Variants in PCDH9 observed in about 807,000 individuals in gnomAD.
PCDH9 encodes protocadherin-9.
PCDH9 carries 24 observed loss-of-function variants against 70.6 expected under a neutral mutation model. The observed-to-expected ratio is 0.34, with a 90% CI of 0.25 to 0.48. PCDH9 has a LOEUF of 0.48. Among genes scored for constraint, PCDH9 ranks in the 20% least tolerant of loss-of-function variants. The pLI is 0.99. For missense variants in PCDH9, 1,281 were observed against 1,503.6 expected (o/e 0.85, Z 2.45); for synonymous variants, 562 against 558.5 (o/e 1.01, Z -0.09).
chr13:66,677,700 G>A (rs2078262871), intron 3 of PCDH9, among the ~76,000 whole-genome samples: 1 of 151,932 alleles, frequency 6.6e-6, no homozygotes, highest in Non-Finnish European at 1.5e-5. Flanking sequence ...CTCACCTTCT[G>A]CCATGATTAA....
At chr13:66,805,952 G>T (rs2080403013) in intron 3 of PCDH9, among the ~76,000 whole-genome samples, 1 of 151,516 alleles carries the variant, frequency 6.6e-6, no homozygotes, top group South Asian at 2.1e-4. Flanking sequence ...ATCAACTCTA[G>T]AAAAAAAACA....
At chr13:66,662,332 C>G (rs554712215) in intron 3 of PCDH9, among the ~76,000 whole-genome samples, 6 of 151,516 alleles carry the variant, frequency 4.0e-5, no homozygotes, top group Non-Finnish European at 5.9e-5. Context: ...AATTAGCCAG[C>G]CGTGGTGGCT....
At chr13:66,782,062 A>G (rs764586958) in intron 3 of PCDH9, among the ~76,000 whole-genome samples, 1 of 151,788 alleles carries the variant, frequency 6.6e-6, no homozygotes, top group Non-Finnish European at 1.5e-5. Flanking sequence ...TGGTATTTCG[A>G]CTCTCCCTAA....
chr13:67,155,726 T>C (rs1167642363), intron 2 of PCDH9, among the ~76,000 whole-genome samples: 1 of 152,056 alleles, frequency 6.6e-6, no homozygotes, highest in African/African-American at 2.4e-5. Flanking sequence ...GGGTAAAACA[T>C]TTGAGTCACT....
At chr13:67,084,270 G>C (rs1050102556) in intron 2 of PCDH9, among the ~76,000 whole-genome samples, 3 of 152,090 alleles carry the variant, frequency 2.0e-5, no homozygotes, top group Admixed American at 1.3e-4. Context: ...GGGAGAACTG[G>C]GGACTGAACT....
intron 4 of PCDH9, among the ~76,000 whole-genome samples, chr13:66,419,770 T>A (rs996218764): frequency 2.0e-5 from 3 of 151,852 alleles, no homozygotes; most frequent in African/African-American, 4.8e-5. Flanking sequence ...GGAGTTTTTT[T>A]TTTTTTTTTT....
intron 4 of PCDH9, among the ~76,000 whole-genome samples, chr13:66,391,475 A>G (rs1040145818): frequency 2.0e-5 from 3 of 152,184 alleles, no homozygotes; most frequent in Non-Finnish European, 4.4e-5. Flanking sequence ...AAGTGTATCA[A>G]ATAGAGCCTT....
At chr13:66,844,160 G>A (rs1388684755) in intron 3 of PCDH9, among the ~76,000 whole-genome samples, 1 of 151,944 alleles carries the variant, frequency 6.6e-6, no homozygotes, top group Non-Finnish European at 1.5e-5. Context: ...ATTTAATCCT[G>A]TATTTGATTT....
intron 2 of PCDH9, among the ~76,000 whole-genome samples, chr13:66,980,832 C>T (rs2083747620): frequency 7.3e-6 from 1 of 136,856 alleles, no homozygotes; most frequent in Non-Finnish European, 1.5e-5. Context: ...AAACAAATAT[C>T]CTAACTAAAC....
At chr13:66,837,008 A>G (rs911934069) in intron 3 of PCDH9, among the ~76,000 whole-genome samples, 11 of 152,116 alleles carry the variant, frequency 7.2e-5, no homozygotes, top group African/African-American at 2.7e-4. Flanking sequence ...CACCCTCCCC[A>G]TCACCTCTTG....
At chr13:67,036,067 A>C (rs981434879) in intron 2 of PCDH9, among the ~76,000 whole-genome samples, 1 of 152,202 alleles carries the variant, frequency 6.6e-6, no homozygotes, top group African/African-American at 2.4e-5. Flanking sequence ...CAGTGACCAA[A>C]ATTGGAACAG....
intron 3 of PCDH9, among the ~76,000 whole-genome samples, chr13:66,688,685 G>T (rs755919095): frequency 2.0e-5 from 3 of 152,176 alleles, no homozygotes; most frequent in Non-Finnish European, 4.4e-5. Context: ...TATTATTACA[G>T]AAACCACTGT....
intron 3 of PCDH9, among the ~76,000 whole-genome samples, chr13:66,694,656 A>T (rs112206030): frequency 6.6e-6 from 1 of 152,184 alleles, no homozygotes; most frequent in East Asian, 1.9e-4. Flanking sequence ...AATAAAAAAG[A>T]TATGAAAACA....
At chr13:66,780,804 T>C (rs1477242595) in intron 3 of PCDH9, among the ~76,000 whole-genome samples, 1 of 152,220 alleles carries the variant, frequency 6.6e-6, no homozygotes, top group Admixed American at 6.5e-5. Flanking sequence ...CAGTGCTTTA[T>C]CTCCAGTGCC....
intron 3 of PCDH9, among the ~76,000 whole-genome samples, chr13:66,662,227 C>T (rs2078019444): frequency 6.6e-6 from 1 of 151,938 alleles, no homozygotes; most frequent in Admixed American, 6.6e-5. Context: ...AATCCTGGCA[C>T]TTTGGGGGGC....
At chr13:67,115,938 A>C (rs1479424659) in intron 2 of PCDH9, among the ~76,000 whole-genome samples, 4 of 152,196 alleles carry the variant, frequency 2.6e-5, no homozygotes, top group Admixed American at 6.5e-5. Context: ...AGCTTAGTTT[A>C]TTAGGACTAA....
At chr13:66,837,470 G>C (rs954904216) in intron 3 of PCDH9, among the ~76,000 whole-genome samples, 1 of 152,074 alleles carries the variant, frequency 6.6e-6, no homozygotes, top group Non-Finnish European at 1.5e-5. Flanking sequence ...CCCTGCCCAC[G>C]ACCGCTGCGT....
At chr13:66,928,406 G>C (rs2082750170) in intron 2 of PCDH9, among the ~76,000 whole-genome samples, 1 of 152,016 alleles carries the variant, frequency 6.6e-6, no homozygotes, top group Non-Finnish European at 1.5e-5. Flanking sequence ...ACACAAGGTG[G>C]ATAGTATTAT....
intron 2 of PCDH9, among the ~76,000 whole-genome samples, chr13:67,010,366 G>C (rs1028197184): frequency 6.6e-6 from 1 of 151,898 alleles, no homozygotes; most frequent in Non-Finnish European, 1.5e-5. Flanking sequence ...GTTGAGGCAC[G>C]GTGGGTGCCT....
Sources: allele counts gnomAD v4.1 joint callset (sites outside exome capture counted in the v4.1 genomes callset), GRCh38; gene constraint gnomAD v4.1.1; transcripts MANE v1.5; gene names NCBI Gene and HGNC (gene_info 2026-07-23, HGNC 2026-07-21).